CNTN5: variants seen among roughly 807,000 people sequenced by gnomAD.
The protein encoded by CNTN5 is contactin-5.
CNTN5 carries 77 observed loss-of-function variants against 129.1 expected under a neutral mutation model. The observed-to-expected ratio is 0.60, with a 90% CI of 0.50 to 0.72. The LOEUF is 0.72. Ranked by LOEUF, CNTN5 falls within the 30% of genes least tolerant of loss-of-function variation. The probability of loss-of-function intolerance (pLI) is 0.00; values close to 1 mark genes in which losing one functional copy is unlikely to be tolerated. For synonymous variants in CNTN5, 509 were observed against 465.6 expected, an observed-to-expected ratio of 1.09 and a Z score of -1.20; for missense variants, 1,478 against 1,328.8, an observed-to-expected ratio of 1.11 and a Z score of -1.75.
intron 8 of CNTN5, among the ~76,000 whole-genome samples, chr11:99,968,058 C>T (rs1951142935): frequency 6.6e-6 from 1 of 152,180 alleles, no homozygotes; most frequent in Non-Finnish European, 1.5e-5. Context: ...AAGCTGTACA[C>T]ATCTTCGCAA....
In CNTN5 at chr11:100,037,232, GT is replaced by G. The variant is rs1359842450; in HGVS notation, c.981-23975del. On this transcript the variant is annotated intron_variant, in intron 9 of 24. Transcript: ENST00000524871. ...CTGCATCTATTGAGATAATCATGTGGTTTTTGTCTTTGGTTCTGTTTATATG... is the reference window on the plus strand; with the variant it reads ...CTGCATCTATTGAGATAATCATGTGGTTTTGTCTTTGGTTCTGTTTATATG... 2.7e-5 allele frequency among the ~76,000 whole-genome samples: 4 copies of G among 145,796 alleles called. 1 individual carries two copies. The highest frequency in any genetic ancestry group is 6.0e-5 in the Non-Finnish European group (4 of 66,802).
chr11:99,871,135 G>A (rs1948493971), intron 6 of CNTN5, among the ~76,000 whole-genome samples: 1 of 151,992 alleles, frequency 6.6e-6, no homozygotes, highest in Non-Finnish European at 1.5e-5. Context: ...TATTACTATT[G>A]TTGATCCCCT....
At chr11:99,026,376 A>G (rs1047254926) in intron 1 of CNTN5, among the ~76,000 whole-genome samples, 2 of 151,632 alleles carry the variant, frequency 1.3e-5, no homozygotes, top group Non-Finnish European at 3.0e-5. Flanking sequence ...CTTGTTAGTG[A>G]CCACTATTTC....
intron 1 of CNTN5, among the ~76,000 whole-genome samples, chr11:99,094,927 C>A (rs1214661380): frequency 1.3e-5 from 2 of 151,602 alleles, no homozygotes; most frequent in Admixed American, 1.3e-4. Flanking sequence ...CCTTTTCCAC[C>A]TTTCATTCCA....
chr11:100,113,436 A>C (rs1945722806), intron 13 of CNTN5, among the ~76,000 whole-genome samples: 2 of 142,630 alleles, frequency 1.4e-5, no homozygotes, highest in African/African-American at 5.1e-5. Context: ...AAAAAAAAAA[A>C]AAAAAAAAAA....
At chr11:99,210,610 TC>T (rs1242780385) in intron 1 of CNTN5, among the ~76,000 whole-genome samples, 1 of 152,106 alleles carries the variant, frequency 6.6e-6, no homozygotes, top group African/African-American at 2.4e-5. Context: ...GATTTCCCAT[TC>T]CCTGGTCCAA....
At chr11:99,532,181 G>T (rs536803946) in intron 2 of CNTN5, among the ~76,000 whole-genome samples, 3 of 152,262 alleles carry the variant, frequency 2.0e-5, no homozygotes, top group Non-Finnish European at 2.9e-5. Context: ...GCATCAGCGT[G>T]ACCTGGTTGT....
intron 3 of CNTN5, among the ~76,000 whole-genome samples, chr11:99,665,639 A>C (rs1952761901): frequency 6.6e-6 from 1 of 151,486 alleles, no homozygotes; most frequent in African/African-American, 2.4e-5. Context: ...GGTGCCCAGC[A>C]ACTTGCCCGG....
chr11:99,826,450 A>C (rs1388434690), intron 4 of CNTN5, among the ~76,000 whole-genome samples: 2 of 152,168 alleles, frequency 1.3e-5, no homozygotes, highest in Admixed American at 1.3e-4. Context: ...ATACGTACAC[A>C]CAAAAGGCAT....
At position 99,598,471 on chromosome 11, in the gene CNTN5, T is replaced by G. The variant is rs553534100; in HGVS notation, c.55+42202T>G. Reference sequence around the variant, plus strand: ...CTTCCTTCCTTCCTTTTTCCCTTCCTTCTTTCCTTCCCTTCTTCCTTCCTT... The same window carrying G: ...CTTCCTTCCTTCCTTTTTCCCTTCCGTCTTTCCTTCCCTTCTTCCTTCCTT... On this transcript the variant is annotated intron_variant, in intron 3 of 24. Coordinates refer to ENST00000524871, the MANE Select transcript of CNTN5 (RefSeq NM_014361.4). Among the ~76,000 whole-genome samples, 3 of 141,066 alleles carry G rather than the reference T, an allele frequency of 2.1e-5. No individual in the cohort carries two copies. The East Asian group carries it at 7.3e-4, about 34-fold the overall frequency. 92.5% of individuals were successfully genotyped at this position (141,066 alleles called of 152,430 possible).
intron 13 of CNTN5, among the ~76,000 whole-genome samples, chr11:100,185,928 TAAAC>T (rs1555033715): frequency 6.6e-6 from 1 of 152,148 alleles, no homozygotes; most frequent in Non-Finnish European, 1.5e-5. Context: ...TTTCTGTTGT[TAAAC>T]AACGTAATCT....
At chr11:99,665,596 C>T (rs973108878) in intron 3 of CNTN5, among the ~76,000 whole-genome samples, 8 of 150,326 alleles carry the variant, frequency 5.3e-5, no homozygotes, top group Non-Finnish European at 1.2e-4. Flanking sequence ...AGCAATTCTC[C>T]CTGTCTCAGC....
intron 2 of CNTN5, among the ~76,000 whole-genome samples, chr11:99,427,042 C>T (rs1416416735): frequency 1.3e-5 from 2 of 152,100 alleles, no homozygotes; most frequent in Non-Finnish European, 2.9e-5. Flanking sequence ...TTTCTTAGGC[C>T]AGTTACCGAA....
intron 3 of CNTN5, among the ~76,000 whole-genome samples, chr11:99,765,763 A>G (rs1944733174): frequency 6.6e-6 from 1 of 151,728 alleles, no homozygotes; most frequent in Non-Finnish European, 1.5e-5. Context: ...TATGAGTCCT[A>G]GAGAAGCCCT....
intron 3 of CNTN5, among the ~76,000 whole-genome samples, chr11:99,582,926 T>G (rs1392824835): frequency 6.6e-6 from 1 of 152,218 alleles, no homozygotes; most frequent in Non-Finnish European, 1.5e-5. Context: ...CTGGTTTTTC[T>G]GCTTTGTTTT....
At chr11:100,041,743 T>TA (rs1285159278) in intron 9 of CNTN5, among the ~76,000 whole-genome samples, 3 of 152,180 alleles carry the variant, frequency 2.0e-5, no homozygotes, top group Admixed American at 1.3e-4. Flanking sequence ...ATAATTGTTT[T>TA]AAAAAACAAT....
At chr11:100,196,082 T>G (rs1948631040) in intron 15 of CNTN5, among the ~76,000 whole-genome samples, 1 of 151,202 alleles carries the variant, frequency 6.6e-6, no homozygotes, top group South Asian at 2.1e-4. Flanking sequence ...CCAAGAAGAG[T>G]CATTAAAGGA....
rs1226018783 is a variant in CNTN5, at chr11:100,308,316, G to T, written c.2621-43G>T. The T allele has an allele frequency of 3.8e-6, 6 of 1,577,724 alleles. No individual in the cohort carries two copies. In the South Asian group the frequency reaches 5.8e-5, roughly 15 times the overall value. ...CAGACTCAGGCGCAATACTTTGATGGACATAAACTTTTTATAATTGTGGTT... is the reference window on the plus strand; with the variant it reads ...CAGACTCAGGCGCAATACTTTGATGTACATAAACTTTTTATAATTGTGGTT... On this transcript the variant is annotated intron_variant, in intron 20 of 24. Coordinates refer to ENST00000524871, the MANE Select transcript of CNTN5 (RefSeq NM_014361.4).
At chr11:100,039,787 A>G (rs1942263686) in intron 9 of CNTN5, among the ~76,000 whole-genome samples, 1 of 152,076 alleles carries the variant, frequency 6.6e-6, no homozygotes, top group African/African-American at 2.4e-5. Context: ...TGCATTCGTC[A>G]CGTAGCTCTC....
Sources: gnomAD v4.1 joint callset for allele counts (sites outside exome capture counted in the v4.1 genomes callset) on GRCh38, gnomAD v4.1.1 for gene constraint, MANE v1.5 for transcripts, NCBI Gene and HGNC (gene_info 2026-07-23, HGNC 2026-07-21) for gene names.